The following SAMMSON variants were observed in gnomAD, a reference collection of about 807,000 sequenced individuals.
SAMMSON encodes long intergenic non-protein coding RNA 1212.
intron 2 of SAMMSON, among the ~76,000 whole-genome samples, chr3:70,423,947 T>C (rs1275564401): frequency 6.6e-6 from 1 of 152,200 alleles, no homozygotes; most frequent in Non-Finnish European, 1.5e-5. Context: ...TATCAGATTC[T>C]ACAGGGATGT....
At chr3:70,415,841 C>T (rs1156292463) in intron 2 of SAMMSON, among the ~76,000 whole-genome samples, 1 of 152,136 alleles carries the variant, frequency 6.6e-6, no homozygotes, top group Non-Finnish European at 1.5e-5. Flanking sequence ...CACCGAGCTA[C>T]CCTTTAATTA....
chr3:70,387,829 T>A (rs1479604354), intron 9 of SAMMSON, among the ~76,000 whole-genome samples: 1 of 152,114 alleles, frequency 6.6e-6, no homozygotes, highest in Non-Finnish European at 1.5e-5. Context: ...ACCTCTCAAA[T>A]GATTTAATGT....
intron 7 of SAMMSON, among the ~76,000 whole-genome samples, chr3:70,338,419 A>G (rs1353758055): frequency 6.6e-6 from 1 of 152,172 alleles, no homozygotes; most frequent in Non-Finnish European, 1.5e-5. Flanking sequence ...AGGCAGGAGA[A>G]AGAAATAAAG....
chr3:70,071,711 A>C (rs1482310684), intron 4 of SAMMSON: 8 of 152,080 alleles, frequency 5.3e-5, no homozygotes, highest in Non-Finnish European at 1.2e-4. Flanking sequence ...AATGATGATC[A>C]ACCTTTGCTA....
intron 7 of SAMMSON, among the ~76,000 whole-genome samples, chr3:70,331,558 A>C (rs528201101): frequency 6.6e-6 from 1 of 152,314 alleles, no homozygotes; most frequent in African/African-American, 2.4e-5. Flanking sequence ...AAATTCAAGG[A>C]ACTATTGATG....
At chr3:70,301,937 T>C (rs976243238) in intron 7 of SAMMSON, among the ~76,000 whole-genome samples, 1 of 152,094 alleles carries the variant, frequency 6.6e-6, no homozygotes, top group Non-Finnish European at 1.5e-5. Context: ...CTGTTGTCTG[T>C]TGTTTGAGAT....
intron 4 of SAMMSON, among the ~76,000 whole-genome samples, chr3:70,212,253 A>G (rs765898221): frequency 1.1e-4 from 17 of 152,136 alleles, no homozygotes; most frequent in Non-Finnish European, 2.5e-4. Context: ...AGTAATCACA[A>G]ATTACAGCTT....
chr3:70,004,255 T>A (rs2066917403), intron 1 of SAMMSON, among the ~76,000 whole-genome samples: 1 of 152,144 alleles, frequency 6.6e-6, no homozygotes, highest in African/African-American at 2.4e-5. Context: ...GGGCAGACAT[T>A]TTGTTAACAA....
chr3:70,372,942 G>A (rs533017419), intron 9 of SAMMSON, among the ~76,000 whole-genome samples: 10 of 151,952 alleles, frequency 6.6e-5, no homozygotes, highest in South Asian at 6.2e-4. Context: ...ATTTTTATCC[G>A]TTTATAATTG....
chr3:70,144,129 C>T (rs1003586222), intron 4 of SAMMSON, among the ~76,000 whole-genome samples: 3 of 151,990 alleles, frequency 2.0e-5, no homozygotes, highest in African/African-American at 7.3e-5. Context: ...GGGCAATGAC[C>T]TTTTGTAAAG....
At chr3:70,076,913 T>C (rs188373704) in intron 4 of SAMMSON, among the ~76,000 whole-genome samples, 61 of 152,332 alleles carry the variant, frequency 4.0e-4, no homozygotes, top group African/African-American at 1.4e-3. Flanking sequence ...AAAAAAATTA[T>C]ACATTTTACA....
chr3:70,377,142 T>A (rs1703024269), intron 9 of SAMMSON, among the ~76,000 whole-genome samples: 1 of 152,000 alleles, frequency 6.6e-6, no homozygotes, highest in Admixed American at 6.6e-5. Context: ...AAGAGTGAAA[T>A]TTAAAAGGCG....
chr3:70,354,495 G>A (rs1454293159), intron 8 of SAMMSON, among the ~76,000 whole-genome samples: 1 of 152,288 alleles, frequency 6.6e-6, no homozygotes, highest in East Asian at 1.9e-4. Flanking sequence ...ATAAGTAACA[G>A]AATCAACCCT....
chr3:70,285,040 A>C (rs186367415), intron 6 of SAMMSON, among the ~76,000 whole-genome samples: 101 of 147,444 alleles, frequency 6.9e-4, no homozygotes, highest in Admixed American at 2.0e-3. Flanking sequence ...TTTTTTACTT[A>C]TTTTTTTTTA....
At chr3:70,418,339 T>C (rs1701281979) in intron 2 of SAMMSON, among the ~76,000 whole-genome samples, 1 of 152,214 alleles carries the variant, frequency 6.6e-6, no homozygotes, top group African/African-American at 2.4e-5. Context: ...TTACTCTCTG[T>C]TCATTTTAAA....
chr3:70,267,473 G>A (rs893491777), intron 6 of SAMMSON, among the ~76,000 whole-genome samples: 2 of 127,314 alleles, frequency 1.6e-5, no homozygotes, highest in Non-Finnish European at 3.1e-5. Flanking sequence ...CGCGATCTCC[G>A]CTCACTGCAA....
intron 7 of SAMMSON, chr3:70,312,729 C>G (rs551320344): frequency 6.9e-6 from 1 of 145,030 alleles, no homozygotes; most frequent in East Asian, 2.2e-4. Context: ...AACTTGCGGC[C>G]GAGAGTTTTT....
intron 3 of SAMMSON, chr3:70,015,287 A>C (rs558727377): frequency 1.3e-5 from 2 of 152,246 alleles, no homozygotes; most frequent in East Asian, 3.9e-4. Flanking sequence ...TCTCAAAAAA[A>C]ACCAAACCAA....
chr3:70,009,228 T>A (rs1188104670), intron 1 of SAMMSON: 1 of 152,190 alleles, frequency 6.6e-6, no homozygotes, highest in East Asian at 1.9e-4. Flanking sequence ...CAGCTCCTCC[T>A]TGTACCTCTG....
Sources: allele counts gnomAD v4.1 joint callset (sites outside exome capture counted in the v4.1 genomes callset), GRCh38; gene constraint gnomAD v4.1.1; transcripts MANE v1.5; gene names NCBI Gene and HGNC (gene_info 2026-07-23, HGNC 2026-07-21).